DRC7: variants seen among roughly 807,000 people sequenced by gnomAD.
The protein encoded by DRC7 is coiled-coil domain containing 135.
In DRC7, 80 loss-of-function variants were observed where a neutral mutation model predicts 104.4. The observed-to-expected ratio is 0.77, with a 90% CI of 0.64 to 0.92. The LOEUF is 0.92. DRC7 is among the 40% of genes least tolerant of loss of function. DRC7 has a pLI of 0.00. For synonymous variants in DRC7, 405 were observed against 447.3 expected (o/e 0.91, Z 1.19); for missense variants, 1,034 against 1,141.1 (o/e 0.91, Z 1.35).
intron 5 of DRC7, 52 bp from the exon 6 acceptor site, chr16:57,701,884 A>G: frequency 6.6e-7 from 1 of 1,509,706 alleles, no homozygotes; most frequent in South Asian, 1.2e-5. Context: ...GGTGGGGAGG[A>G]CAGGCTGGGG....
chr16:57,725,850 C>A lies in DRC7; in HGVS notation c.1759-218C>A, dbSNP rs2048955985. Reference sequence around the variant, plus strand: ...GTAGGCAAGCAGAGTCTTGAAGGAGCTGAGGAGGGGCCCAGCACCATATGG... The same window carrying A: ...GTAGGCAAGCAGAGTCTTGAAGGAGATGAGGAGGGGCCCAGCACCATATGG... On this transcript the variant is annotated intron_variant, in intron 13 of 18. Transcript: ENST00000360716. 3 of 561,280 alleles carry A rather than the reference C, an allele frequency of 5.3e-6. No individual in the cohort carries two copies. The South Asian group carries it at 6.3e-5, about 12-fold the overall frequency. 34.8% of individuals were successfully genotyped at this position (561,280 alleles called of 1,614,324 possible). A position where few individuals can be genotyped will look rare whatever the true frequency, so the allele number is the denominator to read the frequency against.
rs1032565608 is a variant in DRC7, at chr16:57,696,585, G to A, written c.-47G>A. ...GTTCTGCCGTATAGAAGAGGAGACT[G>A]GATCTTTGGGTAGGTGACTAGCAGT... On this transcript the variant is annotated 5_prime_UTR_variant, in exon 2 of 19. Coordinates refer to ENST00000360716, the MANE Select transcript of DRC7 (RefSeq NM_001289162.2). 2.0e-5 allele frequency: 3 copies of A among 152,296 alleles called. No individual in the cohort carries two copies. Among genetic ancestry groups the A allele is most frequent in the Non-Finnish European group, 2.9e-5 (2 of 68,080 alleles). 9.4% of individuals were successfully genotyped at this position (152,296 alleles called of 1,614,324 possible).
chr16:57,727,787 G>A (rs376645734), intron 16 of DRC7, among the ~76,000 whole-genome samples: 16 of 152,374 alleles, frequency 1.1e-4, no homozygotes, highest in South Asian at 4.1e-4. Flanking sequence ...AGGGCATTCA[G>A]GTTACACCTT....
Position 57,726,106 on chromosome 16 carries a change from C to A in DRC7, c.1797C>A (p.Pro599=). 6.2e-7 allele frequency: 1 copy of A among 1,613,342 alleles called. No homozygotes were observed. The part of the protein sequence containing the change: ...TERFFRNPAK[P]AEEDVAERVF... ...GGTTCTTCCGCAACCCAGCGAAGCC[C>A]GCGGAGGAGGACGTGGCAGAGCGCG... Residue 599 remains proline, a synonymous_variant, in exon 14 of 19, where the codon CCC becomes CCA. Transcript: ENST00000360716.
intron 17 of DRC7, among the ~76,000 whole-genome samples, chr16:57,729,097 G>T (rs1198164357): frequency 6.6e-6 from 1 of 150,764 alleles, no homozygotes; most frequent in East Asian, 2.0e-4. Context: ...TAGGTGGATG[G>T]ATGAGTGGGT....
chr16:57,714,369 C>A (rs8054056), intron 8 of DRC7: 9,373 of 161,182 alleles, frequency 0.058, 568 homozygotes, highest in East Asian at 0.23. Flanking sequence ...GCCTGTAATC[C>A]TGATACTTTG....
At chr16:57,700,380 A>G (rs1163745204) in intron 5 of DRC7, 110 bp downstream of exon 5, 90 of 1,380,954 alleles carry the variant, frequency 6.5e-5, no homozygotes, top group Non-Finnish European at 7.7e-5. Flanking sequence ...CGGGCGTGGT[A>G]GCTCATGCCT....
intron 6 of DRC7, among the ~76,000 whole-genome samples, chr16:57,702,645 A>C (rs2048672516): frequency 6.6e-6 from 1 of 152,044 alleles, no homozygotes; most frequent in African/African-American, 2.4e-5. Flanking sequence ...TCAAAAATAC[A>C]AAAAAATTAG....
intron 12 of DRC7, among the ~76,000 whole-genome samples, 159 bp downstream of exon 12, chr16:57,723,289 C>T (rs1298751013): frequency 1.3e-5 from 2 of 152,152 alleles, no homozygotes; most frequent in African/African-American, 2.4e-5. Context: ...TCAGCAAACC[C>T]GATGTGTGGG....
chr16:57,718,696 C>T (rs954552703), intron 9 of DRC7, among the ~76,000 whole-genome samples: 2 of 152,188 alleles, frequency 1.3e-5, no homozygotes, highest in African/African-American at 4.8e-5. Context: ...CAGTGGGTTA[C>T]GGAAGGGACA....
At chr16:57,727,083 C>A in intron 15 of DRC7, 141 bp downstream of exon 15, 1 of 661,310 alleles carries the variant, frequency 1.5e-6, no homozygotes. Context: ...ACCTCATCCT[C>A]CCAGGTAACT....
chr16:57,726,403 A>G, intron 14 of DRC7, 120 bp downstream of exon 14: 2 of 836,590 alleles, frequency 2.4e-6, no homozygotes, highest in Non-Finnish European at 3.8e-6. Context: ...GAGGAAATTC[A>G]TCTTTGCTCT....
At chr16:57,704,300 A>ACCTCTGCAG (rs1285262348) in intron 6 of DRC7, among the ~76,000 whole-genome samples, 1 of 151,772 alleles carries the variant, frequency 6.6e-6, no homozygotes, top group Non-Finnish European at 1.5e-5. Context: ...TCACAGGCCC[A>ACCTCTGCAG]CCTCTGCAGC....
Position 57,723,144 on chromosome 16 carries a change from C to A in DRC7, c.1537+14C>A. On this transcript the variant is annotated intron_variant, in intron 12 of 18. Transcript: ENST00000360716. Reference sequence around the variant, plus strand: ...AGGCTCTGCGCGGTGCGTGGCTCCCCTTTCCTGGGCCACCCAGGAGCCTGG... The same window carrying A: ...AGGCTCTGCGCGGTGCGTGGCTCCCATTTCCTGGGCCACCCAGGAGCCTGG... 7 of 1,611,786 alleles carry A rather than the reference C, an allele frequency of 4.3e-6. No individual in the cohort carries two copies. Among genetic ancestry groups the A allele is most frequent in the Non-Finnish European group, 5.9e-6 (7 of 1,178,844 alleles).
intron 8 of DRC7, chr16:57,713,665 G>A (rs62039916): frequency 0.091 from 13,896 of 152,220 alleles, 863 homozygotes; most frequent in Non-Finnish European, 0.14. Context: ...GTGCTCTTTC[G>A]TTGTCTCGAA....
intron 1 of DRC7, among the ~76,000 whole-genome samples, chr16:57,695,319 CAGGGG>C (rs1315102198): frequency 7.0e-6 from 1 of 143,306 alleles, no homozygotes; most frequent in Non-Finnish European, 1.5e-5. Context: ...ACCAGAAATA[CAGGGG>C]TTCAAATCCC....
chr16:57,699,066 C>A (rs1597792384), intron 4 of DRC7, 42 bp downstream of exon 4: 1 of 1,600,378 alleles, frequency 6.2e-7, no homozygotes, highest in Non-Finnish European at 8.5e-7. Context: ...GAGCCTGGGG[C>A]TGGAGAGCAG....
chr16:57,699,037 T>C lies in DRC7; in HGVS notation c.378+13T>C, dbSNP rs374686089. Reference sequence around the variant, plus strand: ...GTGTGAAGTGCCCGTAAGGCTGGCATGTTGAGGGCAGGGCTGGGGAGCCTG... The same window carrying C: ...GTGTGAAGTGCCCGTAAGGCTGGCACGTTGAGGGCAGGGCTGGGGAGCCTG... On this transcript the variant is annotated intron_variant, in intron 4 of 18. Coordinates refer to ENST00000360716, the MANE Select transcript of DRC7 (RefSeq NM_001289162.2). 1 of 1,612,516 alleles carries C rather than the reference T, an allele frequency of 6.2e-7. No homozygotes were observed. The highest frequency in any genetic ancestry group is 8.5e-7 in the Non-Finnish European group (1 of 1,179,098).
chr16:57,708,497 T>G (rs1349374033), intron 8 of DRC7, among the ~76,000 whole-genome samples: 1 of 152,252 alleles, frequency 6.6e-6, no homozygotes, highest in Non-Finnish European at 1.5e-5. Context: ...TTATTTGTCC[T>G]TTCTACAGTT....
Sources: gnomAD v4.1 joint callset for allele counts (sites outside exome capture counted in the v4.1 genomes callset) on GRCh38, gnomAD v4.1.1 for gene constraint, MANE v1.5 for transcripts, NCBI Gene and HGNC (gene_info 2026-07-23, HGNC 2026-07-21) for gene names.